The following THSD7A variants were observed in gnomAD, a reference collection of about 807,000 sequenced individuals.
The protein encoded by THSD7A is thrombospondin type 1 domain containing 7A, also known as thrombospondin type-1 domain-containing protein 7A.
In THSD7A, 96 loss-of-function variants were observed where a neutral mutation model predicts 231.3. The ratio of observed to expected loss-of-function variants is 0.41; its 90% CI spans 0.35 to 0.49. The LOEUF is 0.49. Ranked by LOEUF, THSD7A falls within the 20% of genes least tolerant of loss-of-function variation. The pLI is 0.05. For missense variants in THSD7A, 2,290 were observed against 2,070.2 expected, an observed-to-expected ratio of 1.11 and a Z score of -2.06; for synonymous variants, 940 against 743.3, an observed-to-expected ratio of 1.26 and a Z score of -4.30.
chr7:11,457,203 C>T (rs1425217895), intron 11 of THSD7A, among the ~76,000 whole-genome samples: 1 of 152,040 alleles, frequency 6.6e-6, no homozygotes, highest in Non-Finnish European at 1.5e-5. Context: ...GCTATCTCTA[C>T]AGCTACATTT....
intron 1 of THSD7A, among the ~76,000 whole-genome samples, chr7:11,666,932 A>C (rs939268913): frequency 9.2e-5 from 14 of 152,188 alleles, no homozygotes; most frequent in Middle Eastern, 6.8e-3. Context: ...TAAGTCAAAA[A>C]AACTAAAATG....
At chr7:11,789,823 G>C (rs2128177565) in intron 1 of THSD7A, among the ~76,000 whole-genome samples, 1 of 151,858 alleles carries the variant, frequency 6.6e-6, no homozygotes, top group South Asian at 2.1e-4. Flanking sequence ...TTTCCTTTTG[G>C]CACTGGATGC....
At chr7:11,687,207 A>C (rs759043657) in intron 1 of THSD7A, among the ~76,000 whole-genome samples, 4 of 151,932 alleles carry the variant, frequency 2.6e-5, no homozygotes, top group Non-Finnish European at 5.9e-5. Context: ...ATATGACAGA[A>C]TCACCAGTCT....
intron 4 of THSD7A, among the ~76,000 whole-genome samples, chr7:11,561,135 T>C (rs1790059747): frequency 6.6e-6 from 1 of 152,172 alleles, no homozygotes; most frequent in African/African-American, 2.4e-5. Context: ...AGTGTGTATG[T>C]ACCTCTAATT....
At chr7:11,782,295 TG>T (rs1045324530) in intron 1 of THSD7A, among the ~76,000 whole-genome samples, 1 of 152,162 alleles carries the variant, frequency 6.6e-6, no homozygotes, top group Non-Finnish European at 1.5e-5. Context: ...TCTGACAGAT[TG>T]TCACAAATGA....
intron 4 of THSD7A, among the ~76,000 whole-genome samples, chr7:11,553,834 G>A (rs1789730952): frequency 6.6e-6 from 1 of 151,842 alleles, no homozygotes; most frequent in African/African-American, 2.4e-5. Flanking sequence ...GAATGTTTAA[G>A]CTCTACAAAT....
chr7:11,775,118 G>C (rs1198136076), intron 1 of THSD7A, among the ~76,000 whole-genome samples: 2 of 152,084 alleles, frequency 1.3e-5, no homozygotes, highest in African/African-American at 4.8e-5. Context: ...ATTATTTACT[G>C]CACTATAATT....
chr7:11,488,877 T>G (rs567352130), intron 6 of THSD7A, among the ~76,000 whole-genome samples: 1 of 152,226 alleles, frequency 6.6e-6, no homozygotes, highest in Middle Eastern at 3.4e-3. Context: ...CCTCTGCCAT[T>G]TTGCAAACAC....
intron 1 of THSD7A, among the ~76,000 whole-genome samples, chr7:11,639,396 G>T (rs796502686): frequency 5.9e-5 from 9 of 152,224 alleles, no homozygotes; most frequent in African/African-American, 1.7e-4. Context: ...TGGGCCGGGC[G>T]CTGTGGCTCA....
intron 4 of THSD7A, among the ~76,000 whole-genome samples, chr7:11,586,447 A>T (rs186321437): frequency 1.6e-3 from 243 of 152,308 alleles, no homozygotes; most frequent in African/African-American, 5.3e-3. Flanking sequence ...TCAGCGACAC[A>T]TGGTTCCCTT....
intron 4 of THSD7A, among the ~76,000 whole-genome samples, chr7:11,566,546 A>C (rs1790335019): frequency 6.6e-6 from 1 of 152,206 alleles, no homozygotes; most frequent in African/African-American, 2.4e-5. Flanking sequence ...ATGGTACTAC[A>C]TGCATACCTA....
At chr7:11,436,002 T>A (rs952647168) in intron 13 of THSD7A, among the ~76,000 whole-genome samples, 8 of 152,180 alleles carry the variant, frequency 5.3e-5, no homozygotes, top group African/African-American at 1.9e-4. Flanking sequence ...AATAAACTTA[T>A]ATATGTAAGA....
intron 1 of THSD7A, among the ~76,000 whole-genome samples, chr7:11,713,645 T>C (rs1304238854): frequency 1.3e-5 from 2 of 151,118 alleles, no homozygotes; most frequent in African/African-American, 4.8e-5. Context: ...TTGTTTAGGA[T>C]TAAGGAAAGG....
At chr7:11,676,704 A>G (rs1252470299) in intron 1 of THSD7A, among the ~76,000 whole-genome samples, 1 of 152,192 alleles carries the variant, frequency 6.6e-6, no homozygotes, top group East Asian at 1.9e-4. Flanking sequence ...TAAAGCATGA[A>G]GACAAGATTA....
chr7:11,387,271 G>A (rs568921501), intron 23 of THSD7A, among the ~76,000 whole-genome samples: 206 of 152,124 alleles, frequency 1.4e-3, no homozygotes, highest in African/African-American at 4.7e-3. Flanking sequence ...AACTTGATGG[G>A]GATAGCACTG....
At chr7:11,549,733 C>T (rs1789545028) in intron 4 of THSD7A, among the ~76,000 whole-genome samples, 1 of 151,860 alleles carries the variant, frequency 6.6e-6, no homozygotes, top group African/African-American at 2.4e-5. Flanking sequence ...ACAATGAGGA[C>T]ACAGGGAGGG....
chr7:11,739,990 G>A (rs769345631), intron 1 of THSD7A, among the ~76,000 whole-genome samples: 4 of 151,960 alleles, frequency 2.6e-5, no homozygotes, highest in Non-Finnish European at 5.9e-5. Flanking sequence ...CATTTTAAGA[G>A]ACCACAAGAA....
intron 1 of THSD7A, among the ~76,000 whole-genome samples, chr7:11,741,723 T>C (rs191335668): frequency 6.6e-6 from 1 of 152,050 alleles, no homozygotes; most frequent in African/African-American, 2.4e-5. Context: ...GATAAGTCAA[T>C]TTTTGAATAA....
intron 1 of THSD7A, among the ~76,000 whole-genome samples, chr7:11,813,562 A>G (rs993485918): frequency 1.3e-5 from 2 of 151,900 alleles, no homozygotes; most frequent in Admixed American, 6.6e-5. Context: ...AATTACAAAA[A>G]ATTAACTGGG....
Sources: allele counts gnomAD v4.1 joint callset (sites outside exome capture counted in the v4.1 genomes callset), GRCh38; gene constraint gnomAD v4.1.1; transcripts MANE v1.5; gene names NCBI Gene and HGNC (gene_info 2026-07-23, HGNC 2026-07-21).